The following SRGAP2B variants were observed in gnomAD, a reference collection of about 807,000 sequenced individuals.
SRGAP2B encodes the protein SLIT-ROBO Rho GTPase activating protein 2B, also known as SLIT-ROBO Rho GTPase-activating protein 2B.
SRGAP2B carries 9 observed loss-of-function variants against 22.2 expected under a neutral mutation model. The observed-to-expected ratio is 0.41, with a 90% CI of 0.24 to 0.71. The LOEUF (loss-of-function observed/expected upper bound fraction) is 0.71, where lower values mean the gene tolerates loss of function less well. Among genes scored for constraint, SRGAP2B ranks in the 30% least tolerant of loss-of-function variants. The pLI is 0.35. For missense variants in SRGAP2B, 114 were observed against 235.8 expected (o/e 0.48, Z 3.38); for synonymous variants, 36 against 87.4 (o/e 0.41, Z 3.28).
At chr1:144,951,103 C>T (rs1191949177) in intron 4 of SRGAP2B, among the ~76,000 whole-genome samples, 1 of 151,058 alleles carries the variant, frequency 6.6e-6, no homozygotes, top group African/African-American at 2.5e-5. Context: ...CCACCTTGGC[C>T]TCCCAAAGCG....
At chr1:144,981,194 T>C (rs371355045) in intron 3 of SRGAP2B, among the ~76,000 whole-genome samples, 1 of 141,106 alleles carries the variant, frequency 7.1e-6, no homozygotes, top group Non-Finnish European at 1.5e-5. Context: ...TTCATTTAAT[T>C]GGCTGCGAAT....
At chr1:145,058,054 A>C (rs1228208995) in intron 2 of SRGAP2B, among the ~76,000 whole-genome samples, 2 of 147,764 alleles carry the variant, frequency 1.4e-5, no homozygotes, top group Admixed American at 6.8e-5. Flanking sequence ...TAAATGGCAA[A>C]GTGCAAAGGT....
intron 2 of SRGAP2B, among the ~76,000 whole-genome samples, chr1:145,020,605 A>T (rs1672731764): frequency 6.8e-6 from 1 of 147,290 alleles, no homozygotes; most frequent in Admixed American, 6.7e-5. Context: ...TCCCCAACTG[A>T]AATGTTAACT....
chr1:144,896,347 GA>G (rs1662329399), intron 8 of SRGAP2B, among the ~76,000 whole-genome samples: 1 of 119,022 alleles, frequency 8.4e-6, no homozygotes, highest in Non-Finnish European at 1.7e-5. Context: ...AAAAGATTCA[GA>G]ACAATGAAAA....
chr1:144,915,534 T>G (rs1553603760), intron 4 of SRGAP2B, among the ~76,000 whole-genome samples: 3 of 150,052 alleles, frequency 2.0e-5, no homozygotes, highest in African/African-American at 5.0e-5. Context: ...GAGACCAGCA[T>G]GGCCAACATA....
intron 4 of SRGAP2B, among the ~76,000 whole-genome samples, chr1:144,921,004 A>G (rs1553604263): frequency 1.3e-5 from 2 of 149,602 alleles, no homozygotes; most frequent in Non-Finnish European, 2.9e-5. Flanking sequence ...AAATATTTAT[A>G]GAACATTTAT....
At chr1:145,026,767 G>A (rs1437406105) in intron 2 of SRGAP2B, among the ~76,000 whole-genome samples, 5 of 142,916 alleles carry the variant, frequency 3.5e-5, no homozygotes, top group Non-Finnish European at 3.1e-5. Context: ...TGAGTCTTAC[G>A]AGAGAGCCTT....
rs1458972178 is a variant in SRGAP2B at position 144,981,327 on chromosome 1, C to T, written c.260+13681G>A. On this transcript the variant is annotated intron_variant, in intron 3 of 9. Coordinates refer to ENST00000612199, the Ensembl canonical transcript of SRGAP2B. ...CAGAGAAAAGGAAAACTAAAAGCTC[C>T]CCGCACACTAGCACTGTTGTCAAGG... Among the ~76,000 whole-genome samples the T allele has an allele frequency of 1.5e-3, 123 of 84,116 alleles. 1 individual carries two copies. Among genetic ancestry groups the T allele is most frequent in the Non-Finnish European group, 2.5e-3 (107 of 43,660 alleles). The allele number at this position is 84,116 out of a possible 152,430, so 55.2% of individuals were successfully genotyped here.
intron 3 of SRGAP2B, among the ~76,000 whole-genome samples, chr1:144,982,875 T>A (rs1669408347): frequency 1.3e-5 from 2 of 150,046 alleles, no homozygotes; most frequent in African/African-American, 5.0e-5. Context: ...TCCTCCCAAC[T>A]CTTCCTCCAA....
chr1:145,009,512 C>A lies in SRGAP2B; in HGVS notation c.68-14312G>T, dbSNP rs868993329. 9.7e-4 allele frequency among the ~76,000 whole-genome samples: 136 copies of A among 139,900 alleles called. 2 individuals are homozygous for A. In the Middle Eastern group the frequency reaches 0.015, roughly 15 times the overall value. The allele number at this position is 139,900 out of a possible 152,430, so 91.8% of individuals were successfully genotyped here. Reference sequence around the variant, plus strand: ...CTGAGGCAGGAGAATGGCGTGAACCCGGGAGGCGGAGCTTGCAGTGAGCCG... The same window carrying A: ...CTGAGGCAGGAGAATGGCGTGAACCAGGGAGGCGGAGCTTGCAGTGAGCCG... On this transcript the variant is annotated intron_variant, in intron 2 of 9. Transcript: ENST00000612199.
chr1:144,902,733 G>C (rs1375276195), intron 7 of SRGAP2B, among the ~76,000 whole-genome samples: 2 of 141,552 alleles, frequency 1.4e-5, no homozygotes, highest in Admixed American at 1.5e-4. Context: ...CCGTACTCCA[G>C]CCTGGGCGAC....
intron 4 of SRGAP2B, among the ~76,000 whole-genome samples, chr1:144,932,625 T>C (rs1257732583): frequency 7.3e-6 from 1 of 137,280 alleles, no homozygotes; most frequent in Non-Finnish European, 1.5e-5. Flanking sequence ...TTGAGAAATA[T>C]TTTCTTAGGC....
chr1:145,063,533 C>A (rs1398293578), intron 2 of SRGAP2B, among the ~76,000 whole-genome samples: 4 of 148,160 alleles, frequency 2.7e-5, no homozygotes, highest in African/African-American at 7.7e-5. Flanking sequence ...AGCAGCCCAA[C>A]CAGGCCCATG....
chr1:144,914,491 T>C (rs1471083243), intron 5 of SRGAP2B, among the ~76,000 whole-genome samples: 295 of 145,524 alleles, frequency 2.0e-3, no homozygotes, highest in African/African-American at 6.9e-3. Context: ...GGAGAAAACT[T>C]ATTTTGAGGA....
intron 4 of SRGAP2B, among the ~76,000 whole-genome samples, chr1:144,924,726 C>T (rs1293896470): frequency 2.4e-5 from 3 of 126,248 alleles, no homozygotes; most frequent in African/African-American, 1.0e-4. Flanking sequence ...AGCGAAACTC[C>T]GTCTCAAAAA....
chr1:144,969,192 C>G (rs1553612813), intron 3 of SRGAP2B, among the ~76,000 whole-genome samples: 2 of 127,108 alleles, frequency 1.6e-5, no homozygotes, highest in Non-Finnish European at 1.6e-5. Flanking sequence ...CCAAGTCAAT[C>G]CTAAGGCAAA....
At chr1:144,928,813 G>A (rs1239007937) in intron 4 of SRGAP2B, among the ~76,000 whole-genome samples, 1 of 140,408 alleles carries the variant, frequency 7.1e-6, no homozygotes, top group Non-Finnish European at 1.5e-5. Flanking sequence ...AATTCTCTTG[G>A]GTATACACCT....
At chr1:145,006,130 C>G (rs1671572189) in intron 2 of SRGAP2B, among the ~76,000 whole-genome samples, 2 of 150,956 alleles carry the variant, frequency 1.3e-5, no homozygotes, top group South Asian at 4.1e-4. Context: ...CAGGCTTTCT[C>G]TCCTGCTACT....
chr1:145,006,112 A>G (rs1236994821), intron 2 of SRGAP2B, among the ~76,000 whole-genome samples: 1 of 150,816 alleles, frequency 6.6e-6, no homozygotes, highest in African/African-American at 2.5e-5. Context: ...GTGACTCTCA[A>G]TCCCACCCAG....
Sources: gnomAD v4.1 joint callset for allele counts (sites outside exome capture counted in the v4.1 genomes callset) on GRCh38, gnomAD v4.1.1 for gene constraint, MANE v1.5 for transcripts, NCBI Gene and HGNC (gene_info 2026-07-23, HGNC 2026-07-21) for gene names.